Variants in TRPC4 observed in about 807,000 individuals in gnomAD.
TRPC4 encodes short transient receptor potential channel 4.
Under a neutral mutation model 99.4 loss-of-function variants are expected in TRPC4, and 49 were observed. The ratio of observed to expected loss-of-function variants is 0.49; its 90% CI spans 0.39 to 0.63. The LOEUF (loss-of-function observed/expected upper bound fraction) is 0.63. Ranked by LOEUF, TRPC4 falls within the 20% of genes least tolerant of loss-of-function variation. The pLI is 0.00. For synonymous variants in TRPC4, 454 were observed against 425.9 expected, an observed-to-expected ratio of 1.07 and a Z score of -0.81; for missense variants, 898 against 1,152.9, an observed-to-expected ratio of 0.78 and a Z score of 3.20.
At chr13:37,751,699 A>T (rs1287810845) in intron 2 of TRPC4, among the ~76,000 whole-genome samples, 3 of 152,078 alleles carry the variant, frequency 2.0e-5, no homozygotes, top group African/African-American at 7.2e-5. Flanking sequence ...GAATCAACAA[A>T]TATTTACTGA....
intron 1 of TRPC4, among the ~76,000 whole-genome samples, chr13:37,788,158 C>G (rs1446714774): frequency 2.6e-5 from 4 of 152,084 alleles, no homozygotes; most frequent in Non-Finnish European, 2.9e-5. Flanking sequence ...TTTCCTCATT[C>G]TAGCTACTAA....
At chr13:37,661,019 C>A (rs995135976) in intron 6 of TRPC4, among the ~76,000 whole-genome samples, 2 of 151,766 alleles carry the variant, frequency 1.3e-5, no homozygotes, top group Non-Finnish European at 2.9e-5. Flanking sequence ...TATCTTGAAG[C>A]AAAAAATAAT....
intron 1 of TRPC4, among the ~76,000 whole-genome samples, chr13:37,828,043 C>T (rs879404639): frequency 1.3e-5 from 2 of 152,276 alleles, no homozygotes; most frequent in African/African-American, 2.4e-5. Flanking sequence ...TTCCAGGTGC[C>T]GTCCGTCACC....
intron 1 of TRPC4, among the ~76,000 whole-genome samples, chr13:37,852,835 A>G (rs1959093125): frequency 6.6e-6 from 1 of 152,176 alleles, no homozygotes; most frequent in Non-Finnish European, 1.5e-5. Context: ...GAACTCCACC[A>G]TGGGCCAGTG....
At chr13:37,716,381 A>G (rs1954667695) in intron 3 of TRPC4, among the ~76,000 whole-genome samples, 1 of 152,186 alleles carries the variant, frequency 6.6e-6, no homozygotes, top group African/African-American at 2.4e-5. Context: ...TTAATTTTAA[A>G]ACTACTCACT....
chr13:37,664,366 G>T (rs1228553536), intron 5 of TRPC4, among the ~76,000 whole-genome samples: 1 of 152,106 alleles, frequency 6.6e-6, no homozygotes, highest in Non-Finnish European at 1.5e-5. Flanking sequence ...CTGAGGTTGG[G>T]AGTTCGCGAC....
chr13:37,851,395 T>A (rs900603391), intron 1 of TRPC4, among the ~76,000 whole-genome samples: 2 of 152,206 alleles, frequency 1.3e-5, no homozygotes, highest in African/African-American at 4.8e-5. Flanking sequence ...ATAACCCTGT[T>A]ATTGGAGTTA....
intron 1 of TRPC4, among the ~76,000 whole-genome samples, chr13:37,805,129 C>A (rs1466299173): frequency 6.6e-6 from 1 of 151,980 alleles, no homozygotes; most frequent in Non-Finnish European, 1.5e-5. Context: ...TGAAAGAACT[C>A]AGATTCCCAA....
chr13:37,841,719 A>G (rs761106690), intron 1 of TRPC4, among the ~76,000 whole-genome samples: 5 of 152,172 alleles, frequency 3.3e-5, no homozygotes, highest in Non-Finnish European at 7.4e-5. Context: ...AATGGCTAAA[A>G]TAAGATATAG....
intron 5 of TRPC4, among the ~76,000 whole-genome samples, chr13:37,664,007 A>G (rs1030660729): frequency 6.6e-6 from 1 of 152,320 alleles, no homozygotes; most frequent in Non-Finnish European, 1.5e-5. Context: ...AAATGTAAAT[A>G]CAACCTAACT....
chr13:37,691,627 A>G lies in TRPC4; in HGVS notation c.1234+372T>C, dbSNP rs573938095. Among the ~76,000 whole-genome samples, 7 of 152,076 alleles carry G rather than the reference A, an allele frequency of 4.6e-5. No individual in the cohort carries two copies. The South Asian group carries it at 1.2e-3, about 27-fold the overall frequency. ...TTATGTATAGAATCACTAATTCTTC[A>G]GAGTAATCTGCATGTACTTTTAGAA... On this transcript the variant is annotated intron_variant, in intron 4 of 10. Coordinates refer to ENST00000379705, the MANE Select transcript of TRPC4 (RefSeq NM_016179.4).
chr13:37,671,515 A>T (rs1309114385), intron 5 of TRPC4, among the ~76,000 whole-genome samples: 2 of 152,100 alleles, frequency 1.3e-5, no homozygotes, highest in African/African-American at 4.8e-5. Flanking sequence ...CACATTAAAG[A>T]TCTTACAAAA....
intron 1 of TRPC4, among the ~76,000 whole-genome samples, chr13:37,840,248 G>A (rs567857808): frequency 3.5e-4 from 53 of 152,160 alleles, no homozygotes; most frequent in African/African-American, 1.2e-3. Context: ...GCTGTAGAAA[G>A]GCAATGCTGC....
intron 1 of TRPC4, among the ~76,000 whole-genome samples, chr13:37,847,011 A>G (rs1202465497): frequency 6.6e-6 from 1 of 152,122 alleles, no homozygotes; most frequent in South Asian, 2.1e-4. Context: ...AGAGATAACA[A>G]TTGTAAATAT....
intron 4 of TRPC4, among the ~76,000 whole-genome samples, chr13:37,685,212 C>T (rs974345074): frequency 4.6e-5 from 7 of 152,096 alleles, no homozygotes; most frequent in African/African-American, 1.4e-4. Flanking sequence ...CAAATAGAAG[C>T]GAAGAAGTCT....
At chr13:37,798,285 C>G (rs1409778494) in intron 1 of TRPC4, among the ~76,000 whole-genome samples, 3 of 152,090 alleles carry the variant, frequency 2.0e-5, no homozygotes, top group Non-Finnish European at 4.4e-5. Flanking sequence ...CACTCTGGCT[C>G]CTAGAGCTCG....
chr13:37,809,688 T>C (rs529128521), intron 1 of TRPC4, among the ~76,000 whole-genome samples: 2 of 152,108 alleles, frequency 1.3e-5, no homozygotes, highest in East Asian at 3.9e-4. Flanking sequence ...TAAGTACAAC[T>C]CTAAATAAAA....
chr13:37,761,052 A>G (rs1312005811), intron 2 of TRPC4, among the ~76,000 whole-genome samples: 1 of 151,982 alleles, frequency 6.6e-6, no homozygotes, highest in Non-Finnish European at 1.5e-5. Context: ...TGACAGATTT[A>G]TCTTAGAAAA....
At position 37,637,248 on chromosome 13, in the gene TRPC4, T is replaced by C; in HGVS notation, c.2589A>G (p.Gln863=). 4 of 1,613,916 alleles carry C rather than the reference T, an allele frequency of 2.5e-6. No homozygotes were observed. Among genetic ancestry groups the C allele is most frequent in the Admixed American group, 3.3e-5 (2 of 59,948 alleles). The change falls in exon 11 of 11, where the codon CAA becomes CAG. Residue 863 remains glutamine, a synonymous_variant. Transcript: ENST00000379705. ...KQNAAEQNAN[Q]IFSVSEEVAR... ...CAACTTCTTCTGAAACAGAGAAGAT[T>C]TGGTTTGCATTTTGCTCAGCAGCAT...
Sources: gnomAD v4.1 joint callset for allele counts (sites outside exome capture counted in the v4.1 genomes callset) on GRCh38, gnomAD v4.1.1 for gene constraint, MANE v1.5 for transcripts, NCBI Gene and HGNC (gene_info 2026-07-23, HGNC 2026-07-21) for gene names.